The following LDLRAD3 variants were observed in gnomAD, a reference collection of about 807,000 sequenced individuals.
LDLRAD3 encodes low density lipoprotein receptor class A domain containing 3.
In LDLRAD3, 20 loss-of-function variants were observed where a neutral mutation model predicts 29.4. The ratio of observed to expected loss-of-function variants is 0.68; its 90% CI spans 0.48 to 0.99. The LOEUF is 0.99. Ranked by LOEUF, LDLRAD3 falls within the 50% of genes least tolerant of loss-of-function variation. The probability of loss-of-function intolerance (pLI) is 0.00; values close to 1 mark genes in which losing one functional copy is unlikely to be tolerated. For synonymous variants in LDLRAD3, 157 were observed against 192.7 expected, an observed-to-expected ratio of 0.81 and a Z score of 1.53; for missense variants, 420 against 454.3, an observed-to-expected ratio of 0.92 and a Z score of 0.69.
intron 1 of LDLRAD3, among the ~76,000 whole-genome samples, chr11:35,969,313 C>T (rs1409956219): frequency 6.6e-6 from 1 of 152,142 alleles, no homozygotes; most frequent in Non-Finnish European, 1.5e-5. Context: ...CAGCCATTTT[C>T]CTCTTTTAAT....
At chr11:36,026,781 T>G (rs1159074965) in intron 1 of LDLRAD3, among the ~76,000 whole-genome samples, 2 of 152,222 alleles carry the variant, frequency 1.3e-5, no homozygotes, top group Non-Finnish European at 2.9e-5. Context: ...ATCAGGAAGT[T>G]ACCCTATATG....
At chr11:35,977,015 G>T (rs923495279) in intron 1 of LDLRAD3, among the ~76,000 whole-genome samples, 1 of 152,136 alleles carries the variant, frequency 6.6e-6, no homozygotes, top group African/African-American at 2.4e-5. Flanking sequence ...ATTCAAGCTC[G>T]AATTCAATAA....
intron 4 of LDLRAD3, among the ~76,000 whole-genome samples, chr11:36,183,647 G>A (rs567448996): frequency 6.6e-6 from 1 of 151,090 alleles, no homozygotes; most frequent in South Asian, 2.1e-4. Flanking sequence ...AACCTAGTCT[G>A]AAGAATCAAA....
chr11:36,027,866 A>G (rs1037403772), intron 1 of LDLRAD3, among the ~76,000 whole-genome samples: 1 of 152,206 alleles, frequency 6.6e-6, no homozygotes, highest in Non-Finnish European at 1.5e-5. Context: ...CAAGCCAGAT[A>G]AAATTGGTCG....
chr11:36,128,674 C>T (rs1472915803), intron 4 of LDLRAD3, among the ~76,000 whole-genome samples: 1 of 151,980 alleles, frequency 6.6e-6, no homozygotes, highest in East Asian at 1.9e-4. Context: ...CATGGTGAAA[C>T]CCCATCTCTA....
At chr11:36,128,140 A>ATATATATATATATATATATATATATAT (rs1224846486) in intron 4 of LDLRAD3, among the ~76,000 whole-genome samples, 1 of 132,866 alleles carries the variant, frequency 7.5e-6, no homozygotes. Context: ...ATATATGTAT[A>ATATATATATATATATATATATATATAT]TGACATGTAG....
chr11:36,207,170 A>C (rs1855222500), intron 4 of LDLRAD3, among the ~76,000 whole-genome samples: 1 of 152,192 alleles, frequency 6.6e-6, no homozygotes, highest in African/African-American at 2.4e-5. Flanking sequence ...TGAGAGCCTC[A>C]GTCCCTCACT....
chr11:35,991,907 CA>C (rs1358931338), intron 1 of LDLRAD3, among the ~76,000 whole-genome samples: 2 of 115,456 alleles, frequency 1.7e-5, no homozygotes, highest in African/African-American at 6.9e-5. Context: ...GTGTGTGTAG[CA>C]GGGGAGGCTC....
rs144582096 is a variant in LDLRAD3 at position 36,116,754 on chromosome 11, T to G, written c.454+18293T>G. ...GTAATTCTTGATTAGTTTTCTTGAT[T>G]AGTTTGGGGAAATTAACCATATTTT... On this transcript the variant is annotated intron_variant, in intron 4 of 5. Coordinates refer to ENST00000315571, the MANE Select transcript of LDLRAD3 (RefSeq NM_174902.4). Among the ~76,000 whole-genome samples the G allele has an allele frequency of 5.3e-5, 8 of 152,292 alleles. 1 individual carries two copies. Among genetic ancestry groups the G allele is most frequent in the African/African-American group, 1.7e-4 (7 of 41,566 alleles).
At chr11:35,956,098 C>T (rs1369265250) in intron 1 of LDLRAD3, among the ~76,000 whole-genome samples, 7 of 152,294 alleles carry the variant, frequency 4.6e-5, no homozygotes, top group Admixed American at 1.3e-4. Flanking sequence ...AGAGCAGCTT[C>T]GGGCCTCTCA....
chr11:35,967,593 C>A, intron 1 of LDLRAD3: 1 of 443,200 alleles, frequency 2.3e-6, no homozygotes. Context: ...ATCACATGGG[C>A]AGAGAGAAAC....
chr11:36,140,989 GCTTTCTCT>G (rs1478001265), intron 4 of LDLRAD3, among the ~76,000 whole-genome samples: 4 of 42,568 alleles, frequency 9.4e-5, no homozygotes, highest in African/African-American at 2.2e-4. Context: ...GTGCTGTTGA[GCTTTCTCT>G]CTCTCTCTCT....
intron 1 of LDLRAD3, among the ~76,000 whole-genome samples, chr11:35,999,943 AG>A (rs1565152833): frequency 2.0e-5 from 3 of 152,178 alleles, no homozygotes; most frequent in Non-Finnish European, 4.4e-5. Context: ...TGCTCATTGC[AG>A]GTCTGTCTGC....
At chr11:36,083,268 C>G (rs539847030) in intron 3 of LDLRAD3, among the ~76,000 whole-genome samples, 4 of 152,294 alleles carry the variant, frequency 2.6e-5, no homozygotes, top group South Asian at 2.1e-4. Flanking sequence ...ATTATAGTAT[C>G]ATACGGAATA....
intron 4 of LDLRAD3, among the ~76,000 whole-genome samples, chr11:36,173,087 C>G (rs972906145): frequency 6.6e-6 from 1 of 152,064 alleles, no homozygotes. Flanking sequence ...TTATCCATCT[C>G]CTCTAGCTTT....
intron 2 of LDLRAD3, among the ~76,000 whole-genome samples, chr11:36,074,729 T>A (rs114664487): frequency 0.022 from 3,383 of 152,170 alleles, 135 homozygotes; most frequent in African/African-American, 0.077. Context: ...CCTCAAAAGG[T>A]GATCAGAACC....
chr11:36,223,851 A>G (rs912923605), intron 4 of LDLRAD3, among the ~76,000 whole-genome samples: 9 of 148,998 alleles, frequency 6.0e-5, no homozygotes, highest in Non-Finnish European at 1.2e-4. Flanking sequence ...TTCTACCCCC[A>G]GTTGCGAGAA....
chr11:36,014,842 G>C (rs1416975000), intron 1 of LDLRAD3, among the ~76,000 whole-genome samples: 1 of 152,186 alleles, frequency 6.6e-6, no homozygotes, highest in East Asian at 1.9e-4. Flanking sequence ...TAAACTTTAT[G>C]ATTTATTTTT....
intron 4 of LDLRAD3, 44 bp from the exon 5 acceptor site, chr11:36,227,041 A>G: frequency 7.0e-7 from 1 of 1,436,724 alleles, no homozygotes; most frequent in Non-Finnish European, 9.5e-7. Context: ...GATTAGCCAA[A>G]CTGGTAACCT....
Sources: allele counts gnomAD v4.1 joint callset (sites outside exome capture counted in the v4.1 genomes callset), GRCh38; gene constraint gnomAD v4.1.1; transcripts MANE v1.5; gene names NCBI Gene and HGNC (gene_info 2026-07-23, HGNC 2026-07-21).